The following COL5A1 variants were observed in gnomAD, a reference collection of about 807,000 sequenced individuals.
COL5A1 encodes the protein collagen alpha-1(V) chain.
Under a neutral mutation model 263.7 loss-of-function variants are expected in COL5A1, and 16 were observed. The observed-to-expected ratio is 0.06, with a 90% CI of 0.04 to 0.09. COL5A1 has a LOEUF of 0.09. Among genes scored for constraint, COL5A1 ranks in the 10% least tolerant of loss-of-function variants. The probability of loss-of-function intolerance (pLI) is 1.00; values close to 1 mark genes in which losing one functional copy is unlikely to be tolerated. For missense variants in COL5A1, 2,036 were observed against 2,540.5 expected, an observed-to-expected ratio of 0.80 and a Z score of 4.27; for synonymous variants, 1,012 against 1,004.5, an observed-to-expected ratio of 1.01 and a Z score of -0.14.
Position 134,785,950 on chromosome 9 carries a change from G to A in COL5A1, c.2593-45G>A, listed in dbSNP as rs45497895. ...TCTCTCTGCTCCGGGGAAACGGATG[G>A]AGCAATACCGTGCTGGCCATTAATG... On this transcript the variant is annotated intron_variant, in intron 30 of 65. Coordinates refer to ENST00000371817, the MANE Select transcript of COL5A1 (RefSeq NM_000093.5). 86,504 of 1,555,858 alleles carry A rather than the reference G, an allele frequency of 0.056. 3,126 individuals are homozygous for A. Among genetic ancestry groups the A allele is most frequent in the African/African-American group, 0.16 (11,961 of 73,806 alleles).
chr9:134,708,267 G>A lies in COL5A1; in HGVS notation c.654+6934G>A, dbSNP rs571303882. Among the ~76,000 whole-genome samples, 4 of 152,264 alleles carry A rather than the reference G, an allele frequency of 2.6e-5. No individual in the cohort carries two copies. The East Asian group carries it at 7.7e-4, about 29-fold the overall frequency. ...AGGCACCCTGCTATGTCGTCTCTGT[G>A]CCTCCATCACTGGCCAGGCAGCATG... is the stretch of plus-strand genomic sequence containing the variant. On this transcript the variant is annotated intron_variant, in intron 4 of 65. Transcript: ENST00000371817.
chr9:134,714,098 T>C (rs1834161640), intron 4 of COL5A1, among the ~76,000 whole-genome samples: 2 of 152,200 alleles, frequency 1.3e-5, no homozygotes, highest in African/African-American at 2.4e-5. Context: ...TTTTTCATCT[T>C]TATGTCCCTA....
intron 27 of COL5A1, among the ~76,000 whole-genome samples, chr9:134,779,024 A>G (rs987239025): frequency 2.0e-5 from 3 of 152,200 alleles, no homozygotes; most frequent in African/African-American, 4.8e-5. Flanking sequence ...CCTCTCCAGG[A>G]CCTGGGGAAA....
chr9:134,799,749 C>T (rs964721752), intron 37 of COL5A1, among the ~76,000 whole-genome samples: 1 of 151,326 alleles, frequency 6.6e-6, no homozygotes, highest in Admixed American at 6.5e-5. Flanking sequence ...TTGCTTTGCT[C>T]TTTTGTTTAT....
intron 31 of COL5A1, among the ~76,000 whole-genome samples, chr9:134,787,663 AGT>A (rs1837511462): frequency 6.6e-6 from 1 of 152,254 alleles, no homozygotes; most frequent in Admixed American, 6.5e-5. Context: ...TAGGTGCTAC[AGT>A]CAGTGCATAA....
intron 9 of COL5A1, among the ~76,000 whole-genome samples, chr9:134,735,723 G>T (rs2132650410): frequency 6.6e-6 from 1 of 152,364 alleles, no homozygotes; most frequent in East Asian, 1.9e-4. Context: ...TCCCAGCTCA[G>T]CCCTGGGCTT....
At chr9:134,804,852 C>A in intron 39 of COL5A1, 123 bp from the exon 40 acceptor site, 1 of 820,320 alleles carries the variant, frequency 1.2e-6, no homozygotes, top group South Asian at 1.4e-5. Context: ...CGCTCTGGGA[C>A]TGGTGAGAGG....
intron 4 of COL5A1, among the ~76,000 whole-genome samples, chr9:134,706,969 G>T (rs1324428491): frequency 6.6e-6 from 1 of 152,222 alleles, no homozygotes; most frequent in Non-Finnish European, 1.5e-5. Flanking sequence ...GGGGCTACCT[G>T]GCTGCTGATC....
intron 38 of COL5A1, among the ~76,000 whole-genome samples, chr9:134,802,340 C>T (rs777371971): frequency 6.6e-5 from 10 of 152,188 alleles, no homozygotes; most frequent in Non-Finnish European, 1.3e-4. Flanking sequence ...TGCCACTGGT[C>T]CCTGTGGGTG....
At chr9:134,670,479 A>G (rs970055689) in intron 1 of COL5A1, among the ~76,000 whole-genome samples, 1 of 152,168 alleles carries the variant, frequency 6.6e-6, no homozygotes, top group Non-Finnish European at 1.5e-5. Flanking sequence ...TAAGCCAGTT[A>G]CTTCCCCCTC....
rs751000775 is a variant in COL5A1, at chr9:134,738,533, T to C, written c.1431+18T>C. 9 of 1,613,968 alleles carry C rather than the reference T, an allele frequency of 5.6e-6. No individual in the cohort carries two copies. The highest frequency in any genetic ancestry group is 7.6e-6 in the Non-Finnish European group (9 of 1,179,998). On this transcript the variant is annotated intron_variant, in intron 10 of 65. Transcript: ENST00000371817. ...GCCCCGCGGTGAGTATCCGGCTTTA[T>C]CCTGTGACTTGCAGAAGGTGCTCTT...
At chr9:134,751,188 G>A (rs1386300603) in intron 13 of COL5A1, among the ~76,000 whole-genome samples, 3 of 151,544 alleles carry the variant, frequency 2.0e-5, no homozygotes, top group Non-Finnish European at 2.9e-5. Context: ...TAGGGACCCC[G>A]AGAGCGTGTC....
At chr9:134,810,173 C>T (rs1838463358) in intron 43 of COL5A1, 82 bp from the exon 44 acceptor site, 1 of 1,496,970 alleles carries the variant, frequency 6.7e-7, no homozygotes, top group South Asian at 1.1e-5. Flanking sequence ...TCTTAATCTC[C>T]AAGAAAAATT....
Position 134,842,085 on chromosome 9 carries a change from G to A in COL5A1, c.5371-72G>A, listed in dbSNP as rs962228313. 2 of 1,560,782 alleles carry A rather than the reference G, an allele frequency of 1.3e-6. No individual in the cohort carries two copies. Among genetic ancestry groups the A allele is most frequent in the East Asian group, 2.2e-5 (1 of 44,482 alleles). On this transcript the variant is annotated intron_variant, in intron 65 of 65. Coordinates refer to ENST00000371817, the MANE Select transcript of COL5A1 (RefSeq NM_000093.5). This position sits in a 1 kb window ranked among gnomAD's most constrained non-coding sequence, Gnocchi z 5.8. ...TGGGTTTTGGAGCCAGACAGATTGT[G>A]GGGGGTGATTGGTAAACCCCAAGAC...
chr9:134,707,941 G>A (rs934267573), intron 4 of COL5A1, among the ~76,000 whole-genome samples: 1 of 152,204 alleles, frequency 6.6e-6, no homozygotes, highest in African/African-American at 2.4e-5. Context: ...TGGCGGCTCC[G>A]GGACGTGAGG....
chr9:134,690,520 G>A (rs1278132184), intron 1 of COL5A1, among the ~76,000 whole-genome samples: 1 of 152,228 alleles, frequency 6.6e-6, no homozygotes, highest in Non-Finnish European at 1.5e-5. Flanking sequence ...TGGCCAATGA[G>A]AAGAGGTGTC....
At chr9:134,819,088 T>A (rs1408665432) in intron 57 of COL5A1, 35 bp downstream of exon 57, 1 of 1,606,184 alleles carries the variant, frequency 6.2e-7, no homozygotes, top group Admixed American at 1.7e-5. Context: ...CAACTGTGAC[T>A]CGGGGCCTTC....
intron 1 of COL5A1, among the ~76,000 whole-genome samples, chr9:134,645,304 C>T (rs988659470): frequency 6.6e-6 from 1 of 152,250 alleles, no homozygotes; most frequent in Admixed American, 6.5e-5. Flanking sequence ...CCGTCCCGCC[C>T]TGCCTTCTCG....
intron 27 of COL5A1, among the ~76,000 whole-genome samples, chr9:134,779,446 A>G (rs562452682): frequency 9.2e-5 from 14 of 152,348 alleles, no homozygotes; most frequent in South Asian, 4.1e-4. Context: ...ATATGTTATC[A>G]TCATTCATTA....
Sources: gnomAD v4.1 joint callset for allele counts (sites outside exome capture counted in the v4.1 genomes callset) on GRCh38, gnomAD v4.1.1 for gene constraint, Gnocchi (gnomAD v3.1) non-coding constraint, MANE v1.5 for transcripts, NCBI Gene and HGNC (gene_info 2026-07-23, HGNC 2026-07-21) for gene names.